Variants in FAM118A observed in about 807,000 individuals in gnomAD.
FAM118A encodes the protein SIR2 antiphage like 2.
In FAM118A, 25 loss-of-function variants were observed where a neutral mutation model predicts 38.2. The ratio of observed to expected loss-of-function variants is 0.65; its 90% CI spans 0.48 to 0.91. The LOEUF is 0.91. FAM118A is among the 40% of genes least tolerant of loss of function. The pLI is 0.00. For synonymous variants in FAM118A, 178 were observed against 184.1 expected (o/e 0.97, Z 0.27); for missense variants, 425 against 463.3 (o/e 0.92, Z 0.76).
At chr22:45,309,136 G>A (rs1393613585), upstream of FAM118A, 1 of 152,284 alleles carries the variant, frequency 6.6e-6, no homozygotes, top group Non-Finnish European at 1.5e-5. Flanking sequence ...AGGGATGCGC[G>A]AGGAGTCAGG....
rs1414426839 is a variant in FAM118A at position 45,327,916 on chromosome 22, C to T, written c.375C>T (p.Ile125=). Residue 125 remains isoleucine (I), a synonymous_variant, in exon 4 of 9, where the codon ATC becomes ATT. Coordinates refer to ENST00000441876, the MANE Select transcript of FAM118A (RefSeq NM_017911.4). The part of the protein sequence containing the change: ...MEVFDDLEQH[I]RSPVVLQSIL... ...TGTTTGACGACCTGGAGCAGCACAT[C>T]CGGAGTCCTGTGGTGCTGCAGTCGA... The T allele has an allele frequency of 6.2e-7, 1 of 1,614,258 alleles. No individual in the cohort carries two copies. Among genetic ancestry groups the T allele is most frequent in the East Asian group, 2.2e-5 (1 of 44,888 alleles).
In FAM118A at chr22:45,323,325, G is replaced by A; in HGVS notation, c.198G>A (p.Leu66=). Residue 66 remains leucine (L), a synonymous_variant, in exon 3 of 9, where the codon CTG becomes CTA. Coordinates refer to ENST00000441876, the MANE Select transcript of FAM118A (RefSeq NM_017911.4). The part of the protein sequence containing the change: ...IEAVIEAAEQ[L]EVLHPGDVAE... ...CCGTCATCGAGGCTGCAGAGCAGCT[G>A]GAGGTGCTGCACCCCGGAGACGTCG... is the stretch of plus-strand genomic sequence containing the variant. The A allele has an allele frequency of 6.2e-7, 1 of 1,614,178 alleles. No individual in the cohort carries two copies. Among genetic ancestry groups the A allele is most frequent in the Non-Finnish European group, 8.5e-7 (1 of 1,180,010 alleles).
chr22:45,331,052 A>G (rs1474039606), intron 5 of FAM118A, among the ~76,000 whole-genome samples: 1 of 152,208 alleles, frequency 6.6e-6, no homozygotes, highest in Non-Finnish European at 1.5e-5. Flanking sequence ...GCCCAGGTAT[A>G]TAGTGAAACT....
intron 1 of FAM118A, chr22:45,322,061 G>A: frequency 1.7e-6 from 1 of 594,894 alleles, no homozygotes; most frequent in Non-Finnish European, 2.7e-6. Flanking sequence ...CCAAGAGACA[G>A]CGAAAACCCC....
intron 1 of FAM118A, among the ~76,000 whole-genome samples, chr22:45,316,364 A>C (rs2084605755): frequency 6.6e-6 from 1 of 151,732 alleles, no homozygotes; most frequent in South Asian, 2.1e-4. Context: ...CTGCCGCCAC[A>C]CTCTTCTCCT....
chr22:45,324,048 GTCT>G (rs1195322634), intron 3 of FAM118A, among the ~76,000 whole-genome samples: 2 of 152,366 alleles, frequency 1.3e-5, no homozygotes, highest in East Asian at 1.9e-4. Context: ...GGCAGTCATT[GTCT>G]TCTTCTGCTC....
At chr22:45,309,872 G>A (rs917642189), upstream of FAM118A, 2 of 152,180 alleles carry the variant, frequency 1.3e-5, no homozygotes, top group Admixed American at 1.3e-4. Context: ...GGGGACCGCG[G>A]GGCCGTTGGT....
At chr22:45,338,691 A>G (rs1393878249) in intron 8 of FAM118A, among the ~76,000 whole-genome samples, 1 of 152,256 alleles carries the variant, frequency 6.6e-6, no homozygotes, top group Non-Finnish European at 1.5e-5. Flanking sequence ...ACTTTATATA[A>G]GTAAGCCAAA....
intron 5 of FAM118A, among the ~76,000 whole-genome samples, chr22:45,330,945 C>T (rs2085667234): frequency 6.6e-6 from 1 of 152,146 alleles, no homozygotes; most frequent in Non-Finnish European, 1.5e-5. Context: ...AGATGCTTGG[C>T]GAACATTTGT....
Position 45,327,843 on chromosome 22 carries a change from G to A in FAM118A, c.302G>A (p.Arg101His), listed in dbSNP as rs768565583. 1.5e-5 allele frequency: 25 copies of A among 1,614,014 alleles called. No individual in the cohort carries two copies. The highest frequency in any genetic ancestry group is 5.0e-5 in the Admixed American group (3 of 60,012). The change falls in exon 4 of 9, where the codon CGC becomes CAC. Residue 101 changes from arginine (R) to histidine (H), a missense_variant and splice_region_variant. Arg to His is a conservative substitution (Grantham distance 29). Coordinates refer to ENST00000441876, the MANE Select transcript of FAM118A (RefSeq NM_017911.4). ...AACTGTCGTTCCACCTTTTTGTAGCGCACAGGCGATGCCAAGCCCAGCTTC... is the reference window on the plus strand; with the variant it reads ...AACTGTCGTTCCACCTTTTTGTAGCACACAGGCGATGCCAAGCCCAGCTTC... The part of the protein sequence containing the change: ...AHDLIRKMSP[R>H]TGDAKPSFFQ...
upstream of FAM118A, chr22:45,309,670 T>C (rs559006934): frequency 1.3e-5 from 2 of 152,298 alleles, no homozygotes; most frequent in Admixed American, 6.5e-5. Context: ...GGACGCGGAC[T>C]CTAGGCCCAA....
chr22:45,322,541 T>C, intron 2 of FAM118A, 115 bp downstream of exon 2: 1 of 931,154 alleles, frequency 1.1e-6, no homozygotes, highest in South Asian at 1.6e-5. Context: ...ATGGAAACAC[T>C]GGGGCATGAG....
chr22:45,309,325 C>G (rs1342349232), upstream of FAM118A: 1 of 152,192 alleles, frequency 6.6e-6, no homozygotes, highest in Admixed American at 6.5e-5. Context: ...TCTGGGAACC[C>G]CCAGTGGACA....
At chr22:45,322,166 C>G in intron 1 of FAM118A, 1 of 1,500,640 alleles carries the variant, frequency 6.7e-7, no homozygotes, top group Non-Finnish European at 9.0e-7. Context: ...TCCAACCAGC[C>G]TGATGAGTCT....
chr22:45,324,302 CT>C (rs937032233), intron 3 of FAM118A, among the ~76,000 whole-genome samples: 18 of 152,320 alleles, frequency 1.2e-4, no homozygotes, highest in African/African-American at 4.3e-4. Context: ...GGCAGGGCCC[CT>C]CTTTGCTGGC....
At chr22:45,339,835 T>C (rs1164281418) in intron 8 of FAM118A, among the ~76,000 whole-genome samples, 1 of 152,238 alleles carries the variant, frequency 6.6e-6, no homozygotes, top group Non-Finnish European at 1.5e-5. Flanking sequence ...CTGGTAGACC[T>C]TGCTGTGGAG....
At chr22:45,335,479 C>A in intron 7 of FAM118A, 97 bp downstream of exon 7, 1 of 1,412,108 alleles carries the variant, frequency 7.1e-7, no homozygotes, top group Non-Finnish European at 1.0e-6. Context: ...TGTTTTTCAC[C>A]TTAAATAATT....
chr22:45,324,668 C>CGTATA (rs1003628659), intron 3 of FAM118A, among the ~76,000 whole-genome samples: 1 of 152,220 alleles, frequency 6.6e-6, no homozygotes, highest in Non-Finnish European at 1.5e-5. Context: ...CATTCATTTA[C>CGTATA]GTATAGTACG....
chr22:45,332,224 T>C (rs1409576215), intron 5 of FAM118A, among the ~76,000 whole-genome samples: 1 of 152,140 alleles, frequency 6.6e-6, no homozygotes, highest in African/African-American at 2.4e-5. Flanking sequence ...CTTTGGTCTT[T>C]GCTGCCACAG....
Sources: gnomAD v4.1 joint callset for allele counts (sites outside exome capture counted in the v4.1 genomes callset) on GRCh38, gnomAD v4.1.1 for gene constraint, MANE v1.5 for transcripts, NCBI Gene and HGNC (gene_info 2026-07-23, HGNC 2026-07-21) for gene names.